Variants in LRP1B observed in about 807,000 individuals in gnomAD.
LRP1B encodes the protein low-density lipoprotein receptor-related protein 1B.
LRP1B carries 217 observed loss-of-function variants against 556.6 expected under a neutral mutation model. The ratio of observed to expected loss-of-function variants is 0.39; its 90% CI spans 0.35 to 0.44. The LOEUF is 0.44. Ranked by LOEUF, LRP1B falls within the 20% of genes least tolerant of loss-of-function variation. The probability of loss-of-function intolerance (pLI) is 1.00; values close to 1 mark genes in which losing one functional copy is unlikely to be tolerated. For missense variants in LRP1B, 5,053 were observed against 5,620.8 expected, an observed-to-expected ratio of 0.90 and a Z score of 3.23; for synonymous variants, 2,047 against 1,865.8, an observed-to-expected ratio of 1.10 and a Z score of -2.50.
chr2:141,970,492 C>G (rs186407314), intron 1 of LRP1B, among the ~76,000 whole-genome samples: 17 of 151,548 alleles, frequency 1.1e-4, no homozygotes, highest in African/African-American at 3.9e-4. Context: ...ACAGGAATAT[C>G]ACAATTCCTA....
chr2:141,809,550 G>T (rs868180046), intron 2 of LRP1B, among the ~76,000 whole-genome samples: 3 of 151,964 alleles, frequency 2.0e-5, no homozygotes, highest in Non-Finnish European at 4.4e-5. Flanking sequence ...ATTAAAAAAA[G>T]TGGGCCATAT....
At chr2:140,532,039 T>C (rs1690717961) in intron 47 of LRP1B, among the ~76,000 whole-genome samples, 2 of 152,084 alleles carry the variant, frequency 1.3e-5, no homozygotes, top group East Asian at 3.9e-4. Context: ...CCCAAATCAA[T>C]ACTTCTGATC....
chr2:140,770,599 G>C (rs1037308671), intron 34 of LRP1B, among the ~76,000 whole-genome samples: 1 of 151,902 alleles, frequency 6.6e-6, no homozygotes, highest in Non-Finnish European at 1.5e-5. Context: ...TGCCTATTCA[G>C]GTCGAAGGTA....
At chr2:140,716,306 G>A (rs1687207614) in intron 36 of LRP1B, among the ~76,000 whole-genome samples, 1 of 151,970 alleles carries the variant, frequency 6.6e-6, no homozygotes, top group African/African-American at 2.4e-5. Context: ...CACACCTCTG[G>A]TTTAAACCAT....
chr2:140,659,885 AAC>A (rs1193626669), intron 41 of LRP1B, among the ~76,000 whole-genome samples: 9 of 152,102 alleles, frequency 5.9e-5, no homozygotes, highest in Admixed American at 2.0e-4. Context: ...TTTGGGGAGT[AAC>A]ACATTGATTT....
At chr2:140,608,909 G>C (rs948509811) in intron 41 of LRP1B, among the ~76,000 whole-genome samples, 1 of 152,054 alleles carries the variant, frequency 6.6e-6, no homozygotes, top group South Asian at 2.1e-4. Flanking sequence ...CAAAGTTTCA[G>C]CCAGGATTTC....
chr2:140,961,886 C>G (rs1184297266), intron 18 of LRP1B, among the ~76,000 whole-genome samples: 2 of 152,072 alleles, frequency 1.3e-5, no homozygotes, highest in Admixed American at 6.6e-5. Flanking sequence ...ACCTTATATG[C>G]AAGTAGAGGT....
chr2:141,350,176 G>A (rs971390188), intron 3 of LRP1B, among the ~76,000 whole-genome samples: 1 of 152,072 alleles, frequency 6.6e-6, no homozygotes, highest in Non-Finnish European at 1.5e-5. Flanking sequence ...CAACATGTGG[G>A]AAATCAAGAT....
At chr2:141,824,839 A>G (rs1696870027) in intron 1 of LRP1B, among the ~76,000 whole-genome samples, 1 of 152,038 alleles carries the variant, frequency 6.6e-6, no homozygotes, top group Non-Finnish European at 1.5e-5. Flanking sequence ...CCCCACCCTA[A>G]TCTCATCTCG....
chr2:140,398,519 T>TTTGTTGTTGTTGTCG (rs1553459760), intron 66 of LRP1B, among the ~76,000 whole-genome samples: 13,190 of 151,266 alleles, frequency 0.087, 670 homozygotes, highest in Middle Eastern at 0.14. Context: ...TTCTTTCTCT[T>TTTGTTGTTGTTGTCG]TTGTTGTTGT....
At chr2:141,087,334 T>C (rs547832368) in intron 7 of LRP1B, among the ~76,000 whole-genome samples, 52 of 152,262 alleles carry the variant, frequency 3.4e-4, no homozygotes, top group African/African-American at 1.3e-3. Flanking sequence ...TACATGGCGG[T>C]CCTACCAAGA....
chr2:140,744,803 C>G (rs969825371), intron 35 of LRP1B, among the ~76,000 whole-genome samples: 11 of 152,100 alleles, frequency 7.2e-5, no homozygotes, highest in African/African-American at 2.4e-4. Flanking sequence ...TTTGGAGAAG[C>G]TTGTTTGTTT....
At chr2:141,605,708 C>G (rs914039409) in intron 2 of LRP1B, among the ~76,000 whole-genome samples, 1 of 152,194 alleles carries the variant, frequency 6.6e-6, no homozygotes, top group East Asian at 1.9e-4. Context: ...GGAAAATACA[C>G]TTTCCATATG....
At chr2:141,621,970 C>A (rs1025679359) in intron 2 of LRP1B, among the ~76,000 whole-genome samples, 6 of 152,268 alleles carry the variant, frequency 3.9e-5, no homozygotes, top group Non-Finnish European at 7.3e-5. Context: ...CGGCTCATGG[C>A]AACCTCTGCC....
At position 140,233,196 on chromosome 2, in the gene LRP1B, G is replaced by A. The variant is rs1680542967; in HGVS notation, c.13790C>T (p.Thr4597Ile). The A allele has an allele frequency of 1.9e-6, 3 of 1,592,976 alleles. No individual in the cohort carries two copies. The highest frequency in any genetic ancestry group is 2.6e-6 in the Non-Finnish European group (3 of 1,165,450). Reference sequence around the variant, plus strand: ...AAAAGATATCACTGATTATGCCACTGTCTCTCTTATACCAATTTCTATTTT... The same window carrying A: ...AAAAGATATCACTGATTATGCCACTATCTCTCTTATACCAATTTCTATTTT... ...PKKIEIGIRE[T>I]VA The change falls in exon 91 of 91, where the codon ACA becomes ATA. Residue 4597 changes from threonine (T) to isoleucine (I), a missense_variant. Around this residue, in one of 5 missense-constraint regions of LRP1B, gnomAD observed 551 missense variants for 592.0 expected, o/e 0.93. Transcript: ENST00000389484.
At chr2:140,507,590 C>T (rs1317447525) in intron 52 of LRP1B, among the ~76,000 whole-genome samples, 1 of 151,898 alleles carries the variant, frequency 6.6e-6, no homozygotes, top group East Asian at 1.9e-4. Context: ...AATGGTTGAT[C>T]CAAGTGATCA....
At chr2:140,359,152 G>T (rs1289608185) in intron 72 of LRP1B, among the ~76,000 whole-genome samples, 1 of 151,584 alleles carries the variant, frequency 6.6e-6, no homozygotes, top group East Asian at 1.9e-4. Flanking sequence ...CACAGCTGAG[G>T]ATCTTAAAGG....
chr2:140,636,829 T>TA (rs1258826977), intron 41 of LRP1B, among the ~76,000 whole-genome samples: 1 of 152,178 alleles, frequency 6.6e-6, no homozygotes, highest in Non-Finnish European at 1.5e-5. Flanking sequence ...TACCCACAGA[T>TA]ACGGCTTACT....
chr2:140,385,596 T>C (rs1186929090), intron 67 of LRP1B, among the ~76,000 whole-genome samples: 2 of 152,218 alleles, frequency 1.3e-5, no homozygotes, highest in African/African-American at 4.8e-5. Context: ...CAGCTCATTG[T>C]GTGAACTTGC....
Sources: gnomAD v4.1 joint callset for allele counts (sites outside exome capture counted in the v4.1 genomes callset) on GRCh38, gnomAD v4.1.1 for gene constraint, gnomAD v4.1.1 regional missense constraint, MANE v1.5 for transcripts, NCBI Gene and HGNC (gene_info 2026-07-23, HGNC 2026-07-21) for gene names.